The following CSMD1 variants were observed in gnomAD, a reference collection of about 807,000 sequenced individuals.
CSMD1 encodes CUB and sushi domain-containing protein 1.
A neutral mutation model predicts 417.5 loss-of-function variants in CSMD1; 213 were observed. That is an observed-to-expected ratio of 0.51 (90% CI 0.46 to 0.57). The LOEUF (loss-of-function observed/expected upper bound fraction) is 0.57, where lower values mean the gene tolerates loss of function less well. Ranked by LOEUF, CSMD1 falls within the 20% of genes least tolerant of loss-of-function variation. The pLI is 0.00. For missense variants in CSMD1, 6,923 were observed against 4,529.7 expected (o/e 1.53, Z -15.17); for synonymous variants, 2,862 against 1,736.8 (o/e 1.65, Z -16.11).
chr8:3,789,808 G>T lies in CSMD1; in HGVS notation c.819-35766C>A, dbSNP rs925988007. 4.9e-5 allele frequency among the ~76,000 whole-genome samples: 7 copies of T among 141,908 alleles called. No individual in the cohort carries two copies. The South Asian group carries it at 1.5e-3, about 31-fold the overall frequency. 93.1% of individuals were successfully genotyped at this position (141,908 alleles called of 152,430 possible). Reference sequence around the variant, plus strand: ...TGCAGCGGTGCTATCTTGGCTCACTGCAAGCTCCGCCTCCCGGGGGTTGCA... The same window carrying T: ...TGCAGCGGTGCTATCTTGGCTCACTTCAAGCTCCGCCTCCCGGGGGTTGCA... On this transcript the variant is annotated intron_variant, in intron 5 of 69. Coordinates refer to ENST00000635120, the MANE Select transcript of CSMD1 (RefSeq NM_033225.6).
intron 5 of CSMD1, among the ~76,000 whole-genome samples, chr8:3,784,949 C>T (rs1333164500): frequency 6.6e-6 from 1 of 152,114 alleles, no homozygotes; most frequent in Non-Finnish European, 1.5e-5. Flanking sequence ...AAATATACTG[C>T]TGTAGAATTT....
chr8:4,802,072 G>C (rs769827963), intron 1 of CSMD1, among the ~76,000 whole-genome samples: 6 of 152,178 alleles, frequency 3.9e-5, no homozygotes, highest in Non-Finnish European at 5.9e-5. Context: ...CCTAGTTGAA[G>C]TTGATGACAT....
intron 3 of CSMD1, among the ~76,000 whole-genome samples, chr8:4,328,208 A>G (rs1331459671): frequency 6.6e-6 from 1 of 151,448 alleles, no homozygotes; most frequent in African/African-American, 2.4e-5. Flanking sequence ...TTTGACCCAA[A>G]TTCTACACAC....
At chr8:3,817,664 G>T (rs1028700358) in intron 5 of CSMD1, among the ~76,000 whole-genome samples, 1 of 152,042 alleles carries the variant, frequency 6.6e-6, no homozygotes, top group South Asian at 2.1e-4. Context: ...AAAACTTAAA[G>T]CTCTTCTTTA....
intron 3 of CSMD1, among the ~76,000 whole-genome samples, chr8:4,186,036 T>G (rs1382681164): frequency 6.6e-6 from 1 of 152,204 alleles, no homozygotes; most frequent in Admixed American, 6.5e-5. Context: ...AGGTACATAG[T>G]GCCTGGGTGG....
At chr8:3,793,835 C>G (rs7013959) in intron 5 of CSMD1, among the ~76,000 whole-genome samples, 35,417 of 152,086 alleles carry the variant, frequency 0.23, 4,754 homozygotes, top group Non-Finnish European at 0.3. Context: ...GATCTGCATA[C>G]AAGAATCACT....
At chr8:4,977,339 G>A (rs564155651) in intron 1 of CSMD1, among the ~76,000 whole-genome samples, 19 of 152,140 alleles carry the variant, frequency 1.2e-4, no homozygotes, top group African/African-American at 3.6e-4. Flanking sequence ...GATTGAAAAC[G>A]CAGCAGCACT....
intron 1 of CSMD1, among the ~76,000 whole-genome samples, chr8:4,803,881 C>G (rs926140258): frequency 6.6e-6 from 1 of 152,050 alleles, no homozygotes; most frequent in Non-Finnish European, 1.5e-5. Flanking sequence ...TAATGAGAGC[C>G]AAGTGTTAAC....
intron 5 of CSMD1, among the ~76,000 whole-genome samples, chr8:3,925,879 G>C (rs762158617): frequency 6.6e-6 from 1 of 151,904 alleles, no homozygotes; most frequent in Non-Finnish European, 1.5e-5. Context: ...TTTTATTCAA[G>C]TTTTATTTTT....
At chr8:3,482,999 A>C (rs1485043424) in intron 11 of CSMD1, among the ~76,000 whole-genome samples, 1 of 152,164 alleles carries the variant, frequency 6.6e-6, no homozygotes, top group Non-Finnish European at 1.5e-5. Flanking sequence ...AGGAAAATTT[A>C]TAACAGTAAA....
chr8:3,100,501 A>T (rs1815659519), intron 46 of CSMD1, among the ~76,000 whole-genome samples: 1 of 152,204 alleles, frequency 6.6e-6, no homozygotes, highest in African/African-American at 2.4e-5. Flanking sequence ...TATAGCTGAG[A>T]TGTTTATTTC....
chr8:4,671,304 C>G (rs928981553), intron 1 of CSMD1, among the ~76,000 whole-genome samples: 1 of 152,168 alleles, frequency 6.6e-6, no homozygotes, highest in Non-Finnish European at 1.5e-5. Context: ...GAAACGCTAA[C>G]ATGGCAATTC....
At chr8:4,742,000 C>CTTTTTTTTT (rs71209120) in intron 1 of CSMD1, among the ~76,000 whole-genome samples, 2 of 73,818 alleles carry the variant, frequency 2.7e-5, no homozygotes, top group Non-Finnish European at 5.4e-5. Context: ...ACCACACCCA[C>CTTTTTTTTT]TTTTTTTTTT....
chr8:4,846,744 T>C (rs191434303), intron 1 of CSMD1, among the ~76,000 whole-genome samples: 25 of 152,348 alleles, frequency 1.6e-4, no homozygotes, highest in Admixed American at 3.9e-4. Context: ...TAATCTTGCT[T>C]CCCAGGTCAA....
chr8:3,460,384 G>A (rs1000499504), intron 12 of CSMD1, among the ~76,000 whole-genome samples: 21 of 152,296 alleles, frequency 1.4e-4, no homozygotes, highest in African/African-American at 5.1e-4. Flanking sequence ...ATGGAATCTG[G>A]AAACCACTTT....
At chr8:4,858,698 C>A (rs2116863931) in intron 1 of CSMD1, among the ~76,000 whole-genome samples, 1 of 149,900 alleles carries the variant, frequency 6.7e-6, no homozygotes, top group South Asian at 2.2e-4. Flanking sequence ...CCTAGGAATC[C>A]AACTTACAAG....
chr8:3,670,146 A>G (rs1263439912), intron 7 of CSMD1, among the ~76,000 whole-genome samples: 2 of 151,992 alleles, frequency 1.3e-5, no homozygotes, highest in East Asian at 3.9e-4. Context: ...GCCAAAGGAG[A>G]TTAATATTTG....
At chr8:4,071,191 CCTCT>C (rs527328754) in intron 3 of CSMD1, among the ~76,000 whole-genome samples, 2 of 151,780 alleles carry the variant, frequency 1.3e-5, no homozygotes, top group African/African-American at 4.8e-5. Context: ...CCTTATTCTC[CCTCT>C]CTTTCTCCTT....
intron 9 of CSMD1, among the ~76,000 whole-genome samples, chr8:3,579,441 T>C (rs1008999597): frequency 1.3e-5 from 2 of 152,232 alleles, no homozygotes; most frequent in African/African-American, 4.8e-5. Flanking sequence ...GAAGAAACAT[T>C]CTAATTGATT....
Sources: gnomAD v4.1 joint callset for allele counts (sites outside exome capture counted in the v4.1 genomes callset) on GRCh38, gnomAD v4.1.1 for gene constraint, MANE v1.5 for transcripts, NCBI Gene and HGNC (gene_info 2026-07-23, HGNC 2026-07-21) for gene names.